SUSD4: variants seen among roughly 807,000 people sequenced by gnomAD.
The protein encoded by SUSD4 is sushi domain-containing protein 4.
A neutral mutation model predicts 50.5 loss-of-function variants in SUSD4; 41 were observed. That is an observed-to-expected ratio of 0.81 (90% CI 0.63 to 1.05). The LOEUF is 1.05. Ranked by LOEUF, SUSD4 falls within the 50% of genes least tolerant of loss-of-function variation. The pLI, the probability that SUSD4 is intolerant of heterozygous loss-of-function variation, is 0.00. For synonymous variants in SUSD4, 257 were observed against 257.3 expected, an observed-to-expected ratio of 1.00 and a Z score of 0.01; for missense variants, 580 against 634.7, an observed-to-expected ratio of 0.91 and a Z score of 0.93.
In SUSD4 at chr1:223,339,043, G is replaced by T. The variant is rs185119579; in HGVS notation, c.148+24235C>A. Among the ~76,000 whole-genome samples the T allele has an allele frequency of 2.4e-3, 369 of 152,268 alleles. 2 individuals are homozygous for T. The highest frequency in any genetic ancestry group is 0.02 in the Middle Eastern group (6 of 294). ...CAGAACTCCAGGGAGAGTGTAGGAG[G>T]AAAAGCAAAGGAGACCAGCAAGGAC... On this transcript the variant is annotated intron_variant, in intron 2 of 8. Transcript: ENST00000366878.
At chr1:223,245,555 G>A (rs1484575774) in intron 5 of SUSD4, among the ~76,000 whole-genome samples, 2 of 152,152 alleles carry the variant, frequency 1.3e-5, no homozygotes, top group East Asian at 3.9e-4. Flanking sequence ...GGGACACTGT[G>A]TGTGCAGCTG....
chr1:223,231,228 G>A lies in SUSD4; in HGVS notation c.725-1840C>T, dbSNP rs1351019354. 6.6e-6 allele frequency among the ~76,000 whole-genome samples: 1 copy of A among 152,146 alleles called. No individual in the cohort carries two copies. The highest frequency in any genetic ancestry group is 2.4e-5 in the African/African-American group (1 of 41,428). On this transcript the variant is annotated intron_variant, in intron 5 of 8. Transcript: ENST00000366878. This position sits in a 1 kb window ranked among gnomAD's most constrained non-coding sequence, Gnocchi z 4.2. ...TGGTTCTCCACCTGCCCACCCTCCAGGCTCCCTCTGGACAAAGCCAGTGGG... is the reference window on the plus strand; with the variant it reads ...TGGTTCTCCACCTGCCCACCCTCCAAGCTCCCTCTGGACAAAGCCAGTGGG...
rs147422360 is a variant in SUSD4 at position 223,322,291 on chromosome 1, T to C, written c.149-29640A>G. 1.5e-3 allele frequency among the ~76,000 whole-genome samples: 224 copies of C among 152,316 alleles called. 1 individual carries two copies. Among genetic ancestry groups the C allele is most frequent in the Non-Finnish European group, 2.2e-3 (151 of 68,036 alleles). On this transcript the variant is annotated intron_variant, in intron 2 of 8. Coordinates refer to ENST00000366878, the MANE Select transcript of SUSD4 (RefSeq NM_017982.4). ...GAAATGTTAAACTTTGGTTAGAGAT[T>C]AGTAAAATTAAAAGGTAAATTGTTT...
chr1:223,265,398 T>C (rs1047207848), intron 4 of SUSD4, among the ~76,000 whole-genome samples: 1 of 152,160 alleles, frequency 6.6e-6, no homozygotes, highest in Non-Finnish European at 1.5e-5. Context: ...AATCCCACAG[T>C]GTAGTGGTTC....
intron 2 of SUSD4, among the ~76,000 whole-genome samples, chr1:223,335,464 T>TC (rs11423303): frequency 1 from 152,326 of 152,326 alleles, 76,163 homozygotes; most frequent in Non-Finnish European, 1. Context: ...ACCCCATATC[T>TC]CTTTTCAGTC....
chr1:223,293,784 G>A (rs940531619), intron 2 of SUSD4, among the ~76,000 whole-genome samples: 7 of 152,124 alleles, frequency 4.6e-5, no homozygotes, highest in African/African-American at 1.7e-4. Flanking sequence ...CACAGCTAGG[G>A]CCAAGGATAA....
intron 2 of SUSD4, among the ~76,000 whole-genome samples, chr1:223,315,394 G>A (rs976388062): frequency 5.3e-5 from 8 of 152,206 alleles, no homozygotes; most frequent in African/African-American, 1.7e-4. Context: ...CACTATTGCA[G>A]AACCTAAGAT....
At chr1:223,340,216 C>T (rs543818430) in intron 2 of SUSD4, among the ~76,000 whole-genome samples, 2 of 152,356 alleles carry the variant, frequency 1.3e-5, no homozygotes, top group East Asian at 3.9e-4. Flanking sequence ...TGTCTGAGAA[C>T]TAGGGAGGCT....
chr1:223,325,349 G>A (rs888522488), intron 2 of SUSD4, among the ~76,000 whole-genome samples: 1 of 152,126 alleles, frequency 6.6e-6, no homozygotes. Flanking sequence ...CGAGAGTGAT[G>A]GGGAGATTAA....
At chr1:223,354,736 C>G (rs1668562762) in intron 2 of SUSD4, among the ~76,000 whole-genome samples, 1 of 152,182 alleles carries the variant, frequency 6.6e-6, no homozygotes, top group Admixed American at 6.5e-5. Context: ...GAGAGCCTTT[C>G]ACAAGATTAA....
intron 5 of SUSD4, among the ~76,000 whole-genome samples, chr1:223,238,292 T>C (rs1304096948): frequency 6.6e-6 from 1 of 152,008 alleles, no homozygotes; most frequent in Non-Finnish European, 1.5e-5. Flanking sequence ...TTTCAAATAA[T>C]CAGCTTTTGA....
intron 3 of SUSD4, chr1:223,289,117 A>G: frequency 2.0e-6 from 2 of 985,452 alleles, no homozygotes; most frequent in Middle Eastern, 1.0e-3. Flanking sequence ...TAGTCACTGT[A>G]CTTACTAGGT....
chr1:223,251,523 C>T (rs1407687737), intron 5 of SUSD4, among the ~76,000 whole-genome samples: 1 of 152,198 alleles, frequency 6.6e-6, no homozygotes, highest in Non-Finnish European at 1.5e-5. Flanking sequence ...GAGGAAATAA[C>T]ATCCAAAACA....
chr1:223,221,210 C>T lies in SUSD4; in HGVS notation c.*982G>A, dbSNP rs552820309. The stretch of plus-strand genomic sequence containing the variant: ...CCAACCTCACACTTCTTTTGAAGGT[C>T]GGATATGTTTACAGAAACAATTTCT... On this transcript the variant is annotated 3_prime_UTR_variant, in exon 9 of 9. Coordinates refer to ENST00000366878, the MANE Select transcript of SUSD4 (RefSeq NM_017982.4). The T allele has an allele frequency of 1.0e-5, 4 of 399,748 alleles. No homozygotes were observed. The highest frequency in any genetic ancestry group is 1.3e-5 in the Non-Finnish European group (3 of 226,036). The allele number at this position is 399,748 out of a possible 1,614,324, so 24.8% of individuals were successfully genotyped here.
chr1:223,236,783 A>G (rs1440138146), intron 5 of SUSD4, among the ~76,000 whole-genome samples: 2 of 152,122 alleles, frequency 1.3e-5, no homozygotes, highest in African/African-American at 2.4e-5. Flanking sequence ...GAGGTCAGGC[A>G]ATGTCAGTCC....
At chr1:223,291,487 T>TAAAAAAAAAAAA (rs1664485012) in intron 3 of SUSD4, among the ~76,000 whole-genome samples, 1 of 18,116 alleles carries the variant, frequency 5.5e-5, no homozygotes, top group African/African-American at 8.4e-4. Flanking sequence ...AGACACTGTC[T>TAAAAAAAAAAAA]CAAAAAAAAA....
intron 6 of SUSD4, among the ~76,000 whole-genome samples, chr1:223,228,474 C>T (rs2102997641): frequency 6.6e-6 from 1 of 152,312 alleles, no homozygotes; most frequent in South Asian, 2.1e-4. Flanking sequence ...AGGGCAGCAT[C>T]CCCAGCCTGG....
intron 2 of SUSD4, among the ~76,000 whole-genome samples, chr1:223,323,030 C>T (rs867003654): frequency 5.9e-5 from 9 of 152,216 alleles, no homozygotes; most frequent in East Asian, 1.9e-4. Flanking sequence ...AGGAAGCAGA[C>T]GGCCCTTCCA....
In SUSD4 at chr1:223,363,447, C is replaced by G. The variant is rs537948291; in HGVS notation, c.-22G>C. On this transcript the variant is annotated 5_prime_UTR_variant, in exon 2 of 9. Transcript: ENST00000366878. ...ACATCTTTCATCCACAGAGGGCATC[C>G]AGCTTGCAAGAGTCTGCAACCAGAA... is the stretch of plus-strand genomic sequence containing the variant. The G allele has an allele frequency of 2.7e-5, 41 of 1,523,502 alleles. No individual in the cohort carries two copies. The highest frequency in any genetic ancestry group is 3.5e-5 in the Non-Finnish European group (39 of 1,130,200). 94.4% of individuals were successfully genotyped at this position (1,523,502 alleles called of 1,614,324 possible).
Sources: gnomAD v4.1 joint callset for allele counts (sites outside exome capture counted in the v4.1 genomes callset) on GRCh38, gnomAD v4.1.1 for gene constraint, Gnocchi (gnomAD v3.1) non-coding constraint, MANE v1.5 for transcripts, NCBI Gene and HGNC (gene_info 2026-07-23, HGNC 2026-07-21) for gene names.